Variants in CLVS1 observed in about 807,000 individuals in gnomAD.
CLVS1 encodes clavesin 1.
Under a neutral mutation model 33.1 loss-of-function variants are expected in CLVS1, and 10 were observed. The ratio of observed to expected loss-of-function variants is 0.30; its 90% CI spans 0.19 to 0.51. The LOEUF (loss-of-function observed/expected upper bound fraction) is 0.51, where lower values mean the gene tolerates loss of function less well. CLVS1 is among the 20% of genes least tolerant of loss of function. CLVS1 has a pLI of 0.97. For synonymous variants in CLVS1, 163 were observed against 166.1 expected (o/e 0.98, Z 0.14); for missense variants, 343 against 433.4 (o/e 0.79, Z 1.85).
At chr8:61,086,410 A>T (rs1435619647) in intron 1 of CLVS1, among the ~76,000 whole-genome samples, 1 of 152,180 alleles carries the variant, frequency 6.6e-6, no homozygotes, top group Non-Finnish European at 1.5e-5. Context: ...ATTTCAGTCA[A>T]GCAACGAATA....
chr8:61,481,941 A>G (rs917911066), intron 5 of CLVS1, among the ~76,000 whole-genome samples: 7 of 152,224 alleles, frequency 4.6e-5, no homozygotes, highest in African/African-American at 4.8e-5. Context: ...ACTGGGAGAC[A>G]TCTCCCAGTA....
intron 2 of CLVS1, among the ~76,000 whole-genome samples, chr8:61,154,063 A>G (rs768190104): frequency 1.3e-5 from 2 of 152,184 alleles, no homozygotes; most frequent in Non-Finnish European, 2.9e-5. Context: ...CAAAGAAGAG[A>G]GCGGCAAAAG....
chr8:61,298,977 A>T (rs1810325669), intron 1 of CLVS1, among the ~76,000 whole-genome samples: 1 of 152,112 alleles, frequency 6.6e-6, no homozygotes. Context: ...TTTCCTAGTA[A>T]AAGAATGGCA....
intron 2 of CLVS1, among the ~76,000 whole-genome samples, chr8:61,156,740 T>G (rs1294400472): frequency 6.6e-6 from 1 of 152,228 alleles, no homozygotes; most frequent in African/African-American, 2.4e-5. Flanking sequence ...TCCCAAAATG[T>G]CAACTTACCT....
chr8:61,127,283 C>T (rs1805994631), intron 1 of CLVS1, among the ~76,000 whole-genome samples: 1 of 150,946 alleles, frequency 6.6e-6, no homozygotes, highest in Non-Finnish European at 1.5e-5. Context: ...GATGTGATCT[C>T]AGCTCACTGA....
Position 61,069,496 on chromosome 8 carries a change from A to G in CLVS1, c.-243+12266A>G, listed in dbSNP as rs1804751112. On this transcript the variant is annotated intron_variant, in intron 1 of 2. Transcript: ENST00000522621. ...TACTTGAGTATTTATCAGCAGTCAC[A>G]CTTTCTTTGGTGCATCTTATAGCAG... 4.0e-5 allele frequency among the ~76,000 whole-genome samples: 6 copies of G among 151,636 alleles called. No individual in the cohort carries two copies. The South Asian group carries it at 1.2e-3, about 32-fold the overall frequency.
chr8:61,381,164 T>C (rs960638326), intron 3 of CLVS1, among the ~76,000 whole-genome samples: 3 of 152,112 alleles, frequency 2.0e-5, no homozygotes, highest in Admixed American at 1.3e-4. Flanking sequence ...GACCTTTTTT[T>C]TTTCTGTTAA....
Position 61,455,808 on chromosome 8 carries a change from G to A in CLVS1, c.741+1557G>A, listed in dbSNP as rs75371856. ...TATTCAGGAGGGACTGATAATGTGA[G>A]GGATTCCCCGCCACCTCCCACACTC... On this transcript the variant is annotated intron_variant, in intron 4 of 5. Coordinates refer to ENST00000325897, the MANE Select transcript of CLVS1 (RefSeq NM_173519.3). 5.4e-3 allele frequency among the ~76,000 whole-genome samples: 826 copies of A among 152,242 alleles called. 3 individuals carry two copies. The highest frequency in any genetic ancestry group is 8.2e-3 in the Non-Finnish European group (557 of 68,022).
At chr8:61,119,019 A>G in intron 1 of CLVS1, among the ~76,000 whole-genome samples, 1 of 152,188 alleles carries the variant, frequency 6.6e-6, no homozygotes, top group East Asian at 1.9e-4. Flanking sequence ...GTCTCTTTGC[A>G]GATCACTCAG....
chr8:61,164,594 C>A (rs144463711), intron 2 of CLVS1, among the ~76,000 whole-genome samples: 4 of 152,012 alleles, frequency 2.6e-5, no homozygotes, highest in African/African-American at 7.2e-5. Context: ...GAGGGCAAGT[C>A]CCCCCCGCCC....
At chr8:61,077,786 T>G (rs940029091) in intron 1 of CLVS1, among the ~76,000 whole-genome samples, 1 of 152,158 alleles carries the variant, frequency 6.6e-6, no homozygotes, top group African/African-American at 2.4e-5. Context: ...CTCCCAGCAC[T>G]GGGAGGAGCA....
intron 2 of CLVS1, among the ~76,000 whole-genome samples, chr8:61,248,134 A>G (rs943804486): frequency 1.3e-5 from 2 of 152,020 alleles, no homozygotes. Flanking sequence ...ATTCTGTTAA[A>G]TTGGTTTATG....
At chr8:61,212,932 C>G (rs577159996) in intron 2 of CLVS1, among the ~76,000 whole-genome samples, 2 of 152,090 alleles carry the variant, frequency 1.3e-5, no homozygotes, top group African/African-American at 2.4e-5. Context: ...ACAGGTGAAG[C>G]TTGGAAACAC....
At chr8:61,441,341 CAA>C (rs1816536637) in intron 3 of CLVS1, among the ~76,000 whole-genome samples, 1 of 152,324 alleles carries the variant, frequency 6.6e-6, no homozygotes, top group East Asian at 1.9e-4. Context: ...CAGAAGATTT[CAA>C]AGTCAGCGCC....
In CLVS1 at chr8:61,396,194, C is replaced by G. The variant is rs539290780; in HGVS notation, c.630+19415C>G. Among the ~76,000 whole-genome samples, 6 of 152,266 alleles carry G rather than the reference C, an allele frequency of 3.9e-5. No individual in the cohort carries two copies. The South Asian group carries it at 1.2e-3, about 32-fold the overall frequency. The stretch of plus-strand genomic sequence containing the variant: ...CCAGAGGACAAAACAGTTTTCCTAA[C>G]TTTTCTTTCTGCCTTGTCTAGGTTT... On this transcript the variant is annotated intron_variant, in intron 3 of 5. Transcript: ENST00000325897.
At chr8:61,409,130 C>T (rs1815115870) in intron 3 of CLVS1, among the ~76,000 whole-genome samples, 2 of 152,140 alleles carry the variant, frequency 1.3e-5, no homozygotes, top group African/African-American at 2.4e-5. Context: ...TAAAATCAGA[C>T]ATATTTCAAT....
At chr8:60,987,527 A>T in the CLVS1 span, among the ~76,000 whole-genome samples, 4 of 152,180 alleles carry the variant, frequency 2.6e-5, no homozygotes, top group African/African-American at 7.2e-5. Context: ...ATAGGAAAGG[A>T]TCTAAGATTT....
chr8:61,376,706 G>T lies in CLVS1; in HGVS notation c.557G>T (p.Trp186Leu). The change falls in exon 3 of 6, where the codon TGG (tryptophan) becomes TTG (leucine). Residue 186 changes from tryptophan to leucine, a missense_variant. Trp to Leu is a moderately conservative substitution (Grantham distance 61). Coordinates refer to ENST00000325897, the MANE Select transcript of CLVS1 (RefSeq NM_173519.3). ...AATGGCTTCATTTTAATTATAGACT[G>T]GAGTAATTTTTCCTTCAAACAAGCC... Reference protein sequence around the residue: ...QINGFILIIDWSNFSFKQASK... With the variant: ...QINGFILIIDLSNFSFKQASK... 2 of 1,614,040 alleles carry T rather than the reference G, an allele frequency of 1.2e-6. No individual in the cohort carries two copies. The highest frequency in any genetic ancestry group is 1.7e-6 in the Non-Finnish European group (2 of 1,179,962).
At chr8:61,239,966 T>A (rs1808657547) in intron 2 of CLVS1, among the ~76,000 whole-genome samples, 1 of 152,132 alleles carries the variant, frequency 6.6e-6, no homozygotes, top group South Asian at 2.1e-4. Context: ...ATAGACTTAG[T>A]TCACACCCCT....
Sources: gnomAD v4.1 joint callset for allele counts (sites outside exome capture counted in the v4.1 genomes callset) on GRCh38, gnomAD v4.1.1 for gene constraint, MANE v1.5 for transcripts, NCBI Gene and HGNC (gene_info 2026-07-23, HGNC 2026-07-21) for gene names.